Variants in YWHAQ observed in about 807,000 individuals in gnomAD.
YWHAQ encodes the protein tyrosine 3-monooxygenase/tryptophan 5-monooxygenase activation protein theta.
A neutral mutation model predicts 28.3 loss-of-function variants in YWHAQ; 6 were observed. The ratio of observed to expected loss-of-function variants is 0.21; its 90% confidence interval spans 0.12 to 0.42. The LOEUF (loss-of-function observed/expected upper bound fraction) is 0.42, where lower values mean the gene tolerates loss of function less well. YWHAQ is among the 10% of genes least tolerant of loss of function. YWHAQ has a pLI of 1.00. For synonymous variants in YWHAQ, 143 were observed against 119.1 expected (o/e 1.20, Z -1.31); for missense variants, 201 against 305.6 (o/e 0.66, Z 2.55).
intron 2 of YWHAQ, among the ~76,000 whole-genome samples, chr2:9,628,507 C>T (rs776752522): frequency 1.8e-4 from 28 of 152,178 alleles, no homozygotes; most frequent in Admixed American, 7.9e-4. Context: ...AAAAATCACG[C>T]GGTGATTCTG....
At chr2:9,591,018 T>C (rs1009160945) in intron 3 of YWHAQ, among the ~76,000 whole-genome samples, 2 of 152,246 alleles carry the variant, frequency 1.3e-5, no homozygotes, top group African/African-American at 2.4e-5. Context: ...TTTCCAGTGA[T>C]CTGAAGTTTT....
intron 2 of YWHAQ, among the ~76,000 whole-genome samples, chr2:9,600,809 C>T (rs1013284562): frequency 6.6e-6 from 1 of 152,190 alleles, no homozygotes. Flanking sequence ...GCCACGGCCA[C>T]CCCCAACCAG....
intron 2 of YWHAQ, among the ~76,000 whole-genome samples, chr2:9,616,561 G>C (rs1243776698): frequency 6.7e-6 from 1 of 149,540 alleles, no homozygotes; most frequent in Non-Finnish European, 1.5e-5. Context: ...TAAAGGTCTA[G>C]TATCCATAAT....
intron 2 of YWHAQ, among the ~76,000 whole-genome samples, chr2:9,593,997 A>G (rs1324785001): frequency 1.7e-4 from 26 of 150,584 alleles, no homozygotes; most frequent in African/African-American, 4.2e-4. Context: ...ACACACACAC[A>G]CACGCACGCA....
At chr2:9,624,073 T>C (rs1424841674) in intron 2 of YWHAQ, among the ~76,000 whole-genome samples, 1 of 152,056 alleles carries the variant, frequency 6.6e-6, no homozygotes, top group Admixed American at 6.6e-5. Context: ...CTGGGCAACA[T>C]GGCAAAACTT....
rs1395250500 is a variant in YWHAQ, at chr2:9,591,578, T to C, written c.295-63A>G. 6 of 1,541,446 alleles carry C rather than the reference T, an allele frequency of 3.9e-6. No individual in the cohort carries two copies. In the Admixed American group the frequency reaches 9.0e-5, roughly 23 times the overall value. On this transcript the variant is annotated intron_variant, in intron 2 of 5. Coordinates refer to ENST00000238081, the MANE Select transcript of YWHAQ (RefSeq NM_006826.4). ...CTGCCTACTGTGCATTATCATTAAATGATAAAACTTCTGCCTAGCGGGCAT... is the reference window on the plus strand; with the variant it reads ...CTGCCTACTGTGCATTATCATTAAACGATAAAACTTCTGCCTAGCGGGCAT...
At chr2:9,610,541 TC>T (rs1193040071) in intron 2 of YWHAQ, among the ~76,000 whole-genome samples, 1 of 152,138 alleles carries the variant, frequency 6.6e-6, no homozygotes, top group Non-Finnish European at 1.5e-5. Flanking sequence ...AGAGTTTCAT[TC>T]TTCTTGCCCA....
At chr2:9,628,983 ATTTT>A (rs113542645) in intron 2 of YWHAQ, 1 of 101,378 alleles carries the variant, frequency 9.9e-6, no homozygotes. Context: ...AGTTTCGTGG[ATTTT>A]TTTTTTTTAA....
At chr2:9,623,155 T>A (rs759418274) in intron 2 of YWHAQ, among the ~76,000 whole-genome samples, 1 of 152,198 alleles carries the variant, frequency 6.6e-6, no homozygotes, top group Admixed American at 6.5e-5. Flanking sequence ...CAGTCCTTTG[T>A]GAGAAGGGAG....
intron 2 of YWHAQ, among the ~76,000 whole-genome samples, chr2:9,604,775 G>A (rs1375441417): frequency 6.7e-6 from 1 of 149,614 alleles, no homozygotes; most frequent in Non-Finnish European, 1.5e-5. Flanking sequence ...GATACAGAGC[G>A]ATGGTTATAA....
intron 2 of YWHAQ, among the ~76,000 whole-genome samples, chr2:9,626,204 G>C (rs1005554735): frequency 6.6e-6 from 1 of 152,148 alleles, no homozygotes; most frequent in Non-Finnish European, 1.5e-5. Flanking sequence ...AATTCTACTA[G>C]AACTGATGTA....
intron 2 of YWHAQ, among the ~76,000 whole-genome samples, chr2:9,591,998 A>G (rs1338094823): frequency 1.3e-5 from 2 of 152,220 alleles, no homozygotes; most frequent in Non-Finnish European, 2.9e-5. Context: ...TCCAGTTAAG[A>G]CAGGCTTCCC....
chr2:9,604,859 C>T (rs1208598950), intron 2 of YWHAQ, among the ~76,000 whole-genome samples: 3 of 152,180 alleles, frequency 2.0e-5, no homozygotes, highest in Non-Finnish European at 4.4e-5. Flanking sequence ...AACTCTTAAG[C>T]AGATGAACTC....
chr2:9,584,943 A>AT lies in YWHAQ; in HGVS notation c.*342dup, dbSNP rs1250485342. 2 of 216,032 alleles carry AT rather than the reference A, an allele frequency of 9.3e-6. No homozygotes were observed. Among genetic ancestry groups the AT allele is most frequent in the Non-Finnish European group, 1.8e-5 (2 of 108,634 alleles). The allele number at this position is 216,032 out of a possible 1,614,324, so 13.4% of individuals were successfully genotyped here. A position where few individuals can be genotyped will look rare whatever the true frequency, so the allele number is the denominator to read the frequency against. On this transcript the variant is annotated 3_prime_UTR_variant, in exon 6 of 6. Transcript: ENST00000238081. Reference sequence around the variant, plus strand: ...AAATTGTAATTAACTACATTTTCTTATTTTCACAGTAATACAAAACACAGT... The same window carrying AT: ...AAATTGTAATTAACTACATTTTCTTATTTTTCACAGTAATACAAAACACAGT...
intron 2 of YWHAQ, among the ~76,000 whole-genome samples, chr2:9,610,222 A>G (rs1411055997): frequency 6.6e-6 from 1 of 152,230 alleles, no homozygotes; most frequent in African/African-American, 2.4e-5. Context: ...GTAAATGACA[A>G]GACGACATGG....
At chr2:9,594,066 C>T (rs1666520299) in intron 2 of YWHAQ, among the ~76,000 whole-genome samples, 1 of 151,748 alleles carries the variant, frequency 6.6e-6, no homozygotes, top group Non-Finnish European at 1.5e-5. Context: ...TTATAGAAGT[C>T]ATGAGTATCA....
chr2:9,626,023 AAC>A (rs2125075012), intron 2 of YWHAQ, among the ~76,000 whole-genome samples: 1 of 152,326 alleles, frequency 6.6e-6, no homozygotes, highest in East Asian at 1.9e-4. Flanking sequence ...ATTAAATTTA[AAC>A]ACAACTAAAT....
intron 2 of YWHAQ, among the ~76,000 whole-genome samples, chr2:9,613,372 A>G (rs77458994): frequency 0.019 from 2,834 of 152,028 alleles, 59 homozygotes; most frequent in African/African-American, 0.058. Context: ...GAATTAAACA[A>G]TAAGTTGTCA....
chr2:9,589,355 A>G (rs1666410814), intron 3 of YWHAQ, among the ~76,000 whole-genome samples: 1 of 152,160 alleles, frequency 6.6e-6, no homozygotes, highest in African/African-American at 2.4e-5. Context: ...AGGCTGAGGC[A>G]GGCAGATCAC....
Sources: allele counts gnomAD v4.1 joint callset (sites outside exome capture counted in the v4.1 genomes callset), GRCh38; gene constraint gnomAD v4.1.1; transcripts MANE v1.5; gene names NCBI Gene and HGNC (gene_info 2026-07-23, HGNC 2026-07-21).